Variants in FMN2 observed in about 807,000 individuals in gnomAD.
FMN2 encodes the protein formin-2.
Under a neutral mutation model 142.3 loss-of-function variants are expected in FMN2, and 51 were observed. The observed-to-expected ratio is 0.36, with a 90% CI of 0.29 to 0.45. The LOEUF (loss-of-function observed/expected upper bound fraction) is 0.45. FMN2 is among the 20% of genes least tolerant of loss of function. The pLI, the probability that FMN2 is intolerant of heterozygous loss-of-function variation, is 1.00. For synonymous variants in FMN2, 882 were observed against 869.8 expected (o/e 1.01, Z -0.25); for missense variants, 1,936 against 2,122.8 (o/e 0.91, Z 1.73).
chr1:240,172,077 G>A (rs1330662558), intron 2 of FMN2, among the ~76,000 whole-genome samples: 2 of 152,184 alleles, frequency 1.3e-5, no homozygotes, highest in African/African-American at 4.8e-5. Flanking sequence ...CTCACAGTAT[G>A]TTGATTATTT....
At chr1:240,216,111 A>C (rs182106535) in intron 6 of FMN2, among the ~76,000 whole-genome samples, 2 of 152,302 alleles carry the variant, frequency 1.3e-5, no homozygotes, top group Non-Finnish European at 2.9e-5. Context: ...TAAATACATA[A>C]GCTTCCGTAA....
intron 16 of FMN2, among the ~76,000 whole-genome samples, chr1:240,465,916 C>G (rs1033252619): frequency 6.6e-6 from 1 of 152,166 alleles, no homozygotes; most frequent in Non-Finnish European, 1.5e-5. Flanking sequence ...TCTCACAAAC[C>G]ATTTTTAAAC....
At chr1:240,358,236 C>T (rs1343079617) in intron 14 of FMN2, among the ~76,000 whole-genome samples, 6 of 152,040 alleles carry the variant, frequency 3.9e-5, no homozygotes, top group Admixed American at 6.6e-5. Context: ...AAAATGTATG[C>T]GTCTTAATGG....
At chr1:240,191,633 CTG>C (rs1188958551) in intron 4 of FMN2, among the ~76,000 whole-genome samples, 1 of 152,348 alleles carries the variant, frequency 6.6e-6, no homozygotes, top group Non-Finnish European at 1.5e-5. Context: ...CTTTTATACT[CTG>C]TAGTATATAA....
Position 240,092,030 on chromosome 1 carries a change from C to T in FMN2, c.-80C>T. The T allele has an allele frequency of 6.8e-7, 1 of 1,475,276 alleles. No individual in the cohort carries two copies. Among genetic ancestry groups the T allele is most frequent in the Non-Finnish European group, 8.9e-7 (1 of 1,119,492 alleles). 91.4% of individuals were successfully genotyped at this position (1,475,276 alleles called of 1,614,324 possible). ...CCGCCTGACTCTCCCGGGAGACTCC[C>T]TAGGCCCGGACCTGGGGCCGAGGAG... On this transcript the variant is annotated 5_prime_UTR_variant, in exon 1 of 18. Coordinates refer to ENST00000319653, the MANE Select transcript of FMN2 (RefSeq NM_020066.5).
At chr1:240,469,106 A>G (rs561828542) in intron 16 of FMN2, among the ~76,000 whole-genome samples, 1 of 152,100 alleles carries the variant, frequency 6.6e-6, no homozygotes, top group East Asian at 1.9e-4. Context: ...GGAACTGAGG[A>G]AGTGTCGTTG....
rs764626617 is a variant in FMN2, at chr1:240,262,759, CT to C, written c.4153+4747del. Among the ~76,000 whole-genome samples, 1,141 of 117,756 alleles carry C rather than the reference CT, an allele frequency of 9.7e-3. 15 individuals carry two copies. The highest frequency in any genetic ancestry group is 0.062 in the Admixed American group (692 of 11,118). The allele number at this position is 117,756 out of a possible 152,430, so 77.3% of individuals were successfully genotyped here. A position where few individuals can be genotyped will look rare whatever the true frequency, so the allele number is the denominator to read the frequency against. On this transcript the variant is annotated intron_variant, in intron 7 of 17. Coordinates refer to ENST00000319653, the MANE Select transcript of FMN2 (RefSeq NM_020066.5). ...AACAAATGTAAAGTGAAAACTTTTA[CT>C]TTTTTTTTTTTTTTTTTTTGAGACA...
intron 2 of FMN2, among the ~76,000 whole-genome samples, chr1:240,124,966 G>C (rs1011487269): frequency 6.6e-6 from 1 of 152,200 alleles, no homozygotes; most frequent in Non-Finnish European, 1.5e-5. Flanking sequence ...GCGCCTGGCC[G>C]TGGTTTTTCA....
chr1:240,154,772 C>G (rs142534253), intron 2 of FMN2: 161 of 152,172 alleles, frequency 1.1e-3, no homozygotes, highest in African/African-American at 3.7e-3. Flanking sequence ...TTGGACCAAC[C>G]AGAGATCTCA....
intron 13 of FMN2, among the ~76,000 whole-genome samples, chr1:240,345,533 T>A (rs1248949923): frequency 1.3e-5 from 2 of 152,112 alleles, no homozygotes; most frequent in Non-Finnish European, 2.9e-5. Flanking sequence ...TGCAGTGGCC[T>A]GATCTCGACT....
chr1:240,186,083 T>G (rs1665435612), intron 3 of FMN2, among the ~76,000 whole-genome samples: 1 of 152,220 alleles, frequency 6.6e-6, no homozygotes, highest in Admixed American at 6.5e-5. Flanking sequence ...TTATTGCCAC[T>G]GTGACACTTA....
chr1:240,123,309 T>A lies in FMN2; in HGVS notation c.1746T>A (p.Cys582Ter). The change falls in exon 2 of 18, where the codon TGT becomes TGA. Residue 582 changes from cysteine to a stop codon, truncating the protein, a stop_gained. Transcript: ENST00000319653. LOFTEE classifies it high-confidence loss of function. ...LPFSDCFREP[C>*]NQNAQTNAAS... ...TTAGTGATTGCTTCAGGGAACCGTGTAATCAGAATGCCCAGACGAATGCAG... is the reference window on the plus strand; with the variant it reads ...TTAGTGATTGCTTCAGGGAACCGTGAAATCAGAATGCCCAGACGAATGCAG... 6.2e-7 allele frequency: 1 copy of A among 1,614,164 alleles called. No individual in the cohort carries two copies. Among genetic ancestry groups the A allele is most frequent in the Non-Finnish European group, 8.5e-7 (1 of 1,180,032 alleles).
chr1:240,231,243 TAAAAC>T (rs1238398022), intron 6 of FMN2, among the ~76,000 whole-genome samples: 2 of 132,570 alleles, frequency 1.5e-5, no homozygotes, highest in African/African-American at 6.4e-5. Flanking sequence ...TTCCAAAAAA[TAAAAC>T]AATACAAACT....
At chr1:240,142,835 C>T (rs558165503) in intron 2 of FMN2, 2 of 1,585,804 alleles carry the variant, frequency 1.3e-6, no homozygotes, top group South Asian at 1.1e-5. Flanking sequence ...CAGCCTGGCC[C>T]ACCACATCCA....
chr1:240,109,884 G>T (rs1661745496), intron 1 of FMN2, among the ~76,000 whole-genome samples: 1 of 152,032 alleles, frequency 6.6e-6, no homozygotes, highest in Admixed American at 6.6e-5. Flanking sequence ...TATTAGTTAA[G>T]GGCAGGGAGC....
chr1:240,250,396 ATTTGCATATGTACAACCAT>A (rs1253620441), intron 6 of FMN2, among the ~76,000 whole-genome samples: 1 of 151,988 alleles, frequency 6.6e-6, no homozygotes, highest in Non-Finnish European at 1.5e-5. Flanking sequence ...ACATTTATTG[ATTTGCATATGTACAACCAT>A]TTTTGCATCC....
intron 8 of FMN2, among the ~76,000 whole-genome samples, chr1:240,314,929 T>G (rs1670722608): frequency 6.6e-6 from 1 of 152,214 alleles, no homozygotes; most frequent in Non-Finnish European, 1.5e-5. Flanking sequence ...CAAAAGTGTT[T>G]CCTGCGCATT....
intron 8 of FMN2, among the ~76,000 whole-genome samples, chr1:240,321,112 GA>G (rs1670956804): frequency 6.6e-6 from 1 of 151,484 alleles, no homozygotes; most frequent in South Asian, 2.1e-4. Context: ...TTATTTTGAT[GA>G]AAAATACTTG....
In FMN2 at chr1:240,333,906, T is replaced by C; in HGVS notation, c.4604T>C (p.Leu1535Ser). Residue 1535 changes from leucine to serine, a missense_variant, in exon 12 of 18, where the codon TTG (leucine) becomes TCG (serine). This residue lies in a region of FMN2 where 322 missense variants were observed against 401.6 expected (regional missense o/e 0.80). Coordinates refer to ENST00000319653, the MANE Select transcript of FMN2 (RefSeq NM_020066.5). ...VKSSDNSRSLLSYIVSYYLRN... is the reference protein window; with the variant it reads ...VKSSDNSRSLSSYIVSYYLRN... The stretch of plus-strand genomic sequence containing the variant: ...GCCTAGGACAATAGCAGAAGCCTTT[T>C]GTCATATATTGTTTCGTATTATCTC... The C allele has an allele frequency of 6.2e-7, 1 of 1,609,182 alleles. No individual in the cohort carries two copies. Among genetic ancestry groups the C allele is most frequent in the Non-Finnish European group, 8.5e-7 (1 of 1,178,060 alleles).
Sources: allele counts gnomAD v4.1 joint callset (sites outside exome capture counted in the v4.1 genomes callset), GRCh38; gene constraint gnomAD v4.1.1; regional missense constraint gnomAD v4.1.1; transcripts MANE v1.5; gene names NCBI Gene and HGNC (gene_info 2026-07-23, HGNC 2026-07-21).